The following TMEM209 variants were observed in gnomAD, a reference collection of about 807,000 sequenced individuals.
TMEM209 encodes the protein transmembrane protein 209.
TMEM209 carries 65 observed loss-of-function variants against 76.2 expected under a neutral mutation model. The ratio of observed to expected loss-of-function variants is 0.85; its 90% CI spans 0.70 to 1.05. TMEM209 has a LOEUF of 1.05. Among genes scored for constraint, TMEM209 ranks in the 50% least tolerant of loss-of-function variants. The probability of loss-of-function intolerance (pLI) is 0.00; values close to 1 mark genes in which losing one functional copy is unlikely to be tolerated. For synonymous variants in TMEM209, 239 were observed against 237.6 expected, an observed-to-expected ratio of 1.01 and a Z score of -0.06; for missense variants, 623 against 685.5, an observed-to-expected ratio of 0.91 and a Z score of 1.02.
chr7:130,175,198 G>C (rs926254581), intron 11 of TMEM209: 1 of 249,338 alleles, frequency 4.0e-6, no homozygotes, highest in African/African-American at 2.2e-5. Flanking sequence ...ACAGTAGCTC[G>C]TGTCTGTAAA....
Position 130,202,151 on chromosome 7 carries a change from T to C in TMEM209, c.332-60A>G, listed in dbSNP as rs550689703. On this transcript the variant is annotated intron_variant, in intron 4 of 14. Transcript: ENST00000397622. Reference sequence around the variant, plus strand: ...ACCTTCAAATAAAATTATACGAAAATATATTTAAGCAACTAAGTCTTTCTC... The same window carrying C: ...ACCTTCAAATAAAATTATACGAAAACATATTTAAGCAACTAAGTCTTTCTC... The C allele has an allele frequency of 7.8e-6, 12 of 1,530,324 alleles. No homozygotes were observed. In the East Asian group the frequency reaches 2.5e-4, roughly 32 times the overall value. The allele number at this position is 1,530,324 out of a possible 1,614,324, so 94.8% of individuals were successfully genotyped here. A position where few individuals can be genotyped will look rare whatever the true frequency, so the allele number is the denominator to read the frequency against.
rs201518537 is a variant in TMEM209 at position 130,202,693 on chromosome 7, G to C, written c.200-30C>G. ...AAGAGAACAATTTTTTTTTAATAAG[G>C]GGGGTGAGGAGGGCATCTATTGGAG... On this transcript the variant is annotated intron_variant, in intron 3 of 14. Coordinates refer to ENST00000397622, the MANE Select transcript of TMEM209 (RefSeq NM_032842.4). The C allele has an allele frequency of 7.0e-4, 1,115 of 1,601,752 alleles. 2 individuals carry two copies. The highest frequency in any genetic ancestry group is 9.0e-4 in the Non-Finnish European group (1,055 of 1,174,504).
rs961743158 is a variant in TMEM209, at chr7:130,165,242, G to C, written c.*1209C>G. ...AGCTGTTTCCAGGTTTACATAAGAT[G>C]ATGGAAGCAGTCTCTAATATGTTAA... On this transcript the variant is annotated 3_prime_UTR_variant, in exon 15 of 15. Coordinates refer to ENST00000397622, the MANE Select transcript of TMEM209 (RefSeq NM_032842.4). 7 of 152,168 alleles carry C rather than the reference G, an allele frequency of 4.6e-5. No individual in the cohort carries two copies. The highest frequency in any genetic ancestry group is 1.5e-5 in the Non-Finnish European group (1 of 68,038). The allele number at this position is 152,168 out of a possible 1,614,324, so 9.4% of individuals were successfully genotyped here.
chr7:130,205,352 A>C (rs1250372154), intron 1 of TMEM209, 21 bp downstream of exon 1: 7 of 1,613,896 alleles, frequency 4.3e-6, no homozygotes, highest in Non-Finnish European at 5.9e-6. Flanking sequence ...AGGAAGCACA[A>C]ACACGACCCC....
chr7:130,205,339 G>C (rs769060832), intron 1 of TMEM209, 34 bp downstream of exon 1: 2 of 1,613,872 alleles, frequency 1.2e-6, no homozygotes, highest in South Asian at 1.1e-5. Context: ...TAGATTCCAA[G>C]ACAGGAAGCA....
chr7:130,184,161 C>A, intron 8 of TMEM209, 23 bp downstream of exon 8: 1 of 1,552,880 alleles, frequency 6.4e-7, no homozygotes. Flanking sequence ...TAATATTGTC[C>A]AAAGAGTAAT....
At chr7:130,205,343 G>T (rs373001266) in intron 1 of TMEM209, 30 bp downstream of exon 1, 21 of 1,613,842 alleles carry the variant, frequency 1.3e-5, no homozygotes, top group Non-Finnish European at 1.7e-5. Context: ...TTCCAAGACA[G>T]GAAGCACAAA....
At chr7:130,171,002 T>G (rs1797050943) in intron 13 of TMEM209, among the ~76,000 whole-genome samples, 2 of 151,988 alleles carry the variant, frequency 1.3e-5, no homozygotes, top group African/African-American at 4.8e-5. Flanking sequence ...CTAATTTTTT[T>G]TTTGTATTTT....
At chr7:130,198,637 A>C (rs1798078553) in intron 5 of TMEM209, among the ~76,000 whole-genome samples, 1 of 152,110 alleles carries the variant, frequency 6.6e-6, no homozygotes, top group African/African-American at 2.4e-5. Context: ...AAAAACAAAA[A>C]TGAAACCATT....
Position 130,193,464 on chromosome 7 carries a change from G to A in TMEM209, c.574-641C>T, listed in dbSNP as rs562188720. 3.9e-5 allele frequency among the ~76,000 whole-genome samples: 6 copies of A among 152,168 alleles called. No individual in the cohort carries two copies. The East Asian group carries it at 7.7e-4, about 20-fold the overall frequency. ...GAGGCAGGAGAATCGCTTAAACCCC[G>A]GGAGGCGGAGGTTGTGGCGAGCCAA... On this transcript the variant is annotated intron_variant, in intron 5 of 14. Coordinates refer to ENST00000397622, the MANE Select transcript of TMEM209 (RefSeq NM_032842.4).
Position 130,173,725 on chromosome 7 carries a change from A to G in TMEM209, c.1464T>C (p.Val488=). ...HFVQTPNKPD[V]TNENVFCIYQ... is the part of the protein sequence containing the mutation. ...AAATGCAAAAAACATTCTCATTTGT[A>G]ACATCTGTAAAGGAAGGCAATATGC... The change falls in exon 13 of 15, where the codon GTT becomes GTC. Residue 488 remains valine, a synonymous_variant. Transcript: ENST00000397622. 1.9e-6 allele frequency: 3 copies of G among 1,613,672 alleles called. No individual in the cohort carries two copies. Among genetic ancestry groups the G allele is most frequent in the Non-Finnish European group, 2.5e-6 (3 of 1,179,646 alleles).
chr7:130,185,189 T>A lies in TMEM209; in HGVS notation c.951+3A>T. 1.2e-6 allele frequency: 2 copies of A among 1,607,890 alleles called. No homozygotes were observed. The highest frequency in any genetic ancestry group is 1.7e-6 in the Non-Finnish European group (2 of 1,176,392). On this transcript the variant is annotated splice_donor_region_variant and intron_variant, in intron 7 of 14. Transcript: ENST00000397622. ...TATTAAGTCACTTTTATTTTCCACT[T>A]ACCTCTTCTGCGGCTTGTTTAGAGC... is the stretch of plus-strand genomic sequence containing the variant.
chr7:130,187,540 G>A (rs958117016), intron 6 of TMEM209, among the ~76,000 whole-genome samples: 1 of 151,504 alleles, frequency 6.6e-6, no homozygotes, highest in Admixed American at 6.6e-5. Flanking sequence ...CCTGGTCCTG[G>A]TAGAGGACCA....
intron 6 of TMEM209, among the ~76,000 whole-genome samples, chr7:130,189,265 C>T (rs1055142421): frequency 6.6e-6 from 1 of 151,724 alleles, no homozygotes; most frequent in African/African-American, 2.4e-5. Flanking sequence ...GGTGTGATCT[C>T]GGTTCACTGC....
chr7:130,197,510 G>C (rs550734193), intron 5 of TMEM209, among the ~76,000 whole-genome samples: 5 of 152,334 alleles, frequency 3.3e-5, no homozygotes, highest in Admixed American at 2.6e-4. Context: ...TCAGTGGGGA[G>C]ATGATAAGTT....
Position 130,202,582 on chromosome 7 carries a change from C to T in TMEM209, c.281G>A (p.Ser94Asn). Reference sequence around the variant, plus strand: ...TTGCTGTCCAGGACTAACAACCAGACTTGTTGGTGCCACAGTATATTTGAA... The same window carrying T: ...TTGCTGTCCAGGACTAACAACCAGATTTGTTGGTGCCACAGTATATTTGAA... ...RYFKYTVAPT[S>N]LVVSPGQQTL... Residue 94 changes from serine to asparagine, a missense_variant, in exon 4 of 15, where the codon AGT becomes AAT. Ser to Asn is a conservative substitution (Grantham distance 46). Coordinates refer to ENST00000397622, the MANE Select transcript of TMEM209 (RefSeq NM_032842.4). 2 of 1,613,750 alleles carry T rather than the reference C, an allele frequency of 1.2e-6. No homozygotes were observed. The highest frequency in any genetic ancestry group is 2.2e-5 in the East Asian group (1 of 44,858).
chr7:130,204,865 A>G, intron 1 of TMEM209: 10 of 892,274 alleles, frequency 1.1e-5, no homozygotes, highest in Non-Finnish European at 1.4e-5. Context: ...TGCAGACGCC[A>G]TTACTATCTC....
intron 11 of TMEM209, among the ~76,000 whole-genome samples, chr7:130,174,699 T>C (rs1049244937): frequency 6.6e-6 from 1 of 152,184 alleles, no homozygotes; most frequent in African/African-American, 2.4e-5. Context: ...TAAATGTAAT[T>C]CTAGGAGTCT....
In TMEM209 at chr7:130,175,587, C is replaced by T; in HGVS notation, c.1269G>A (p.Met423Ile). 6.2e-7 allele frequency: 1 copy of T among 1,612,646 alleles called. No homozygotes were observed. Among genetic ancestry groups the T allele is most frequent in the East Asian group, 2.2e-5 (1 of 44,850 alleles). ...RIKELSQGGC[M>I]SSFRWNRGGD... ...CACCTCTGTTCCATCGAAATGAGCT[C>T]ATACAACCTCCCTGAGATAGTTCTG... is the stretch of plus-strand genomic sequence containing the variant. The change falls in exon 11 of 15, where the codon ATG becomes ATA. Residue 423 changes from methionine (M) to isoleucine (I), a missense_variant. By Grantham distance (10) the Met-to-Ile change is conservative. Coordinates refer to ENST00000397622, the MANE Select transcript of TMEM209 (RefSeq NM_032842.4).
Sources: allele counts gnomAD v4.1 joint callset (sites outside exome capture counted in the v4.1 genomes callset), GRCh38; gene constraint gnomAD v4.1.1; transcripts MANE v1.5; gene names NCBI Gene and HGNC (gene_info 2026-07-23, HGNC 2026-07-21).